The following UBE2J2 variants were observed in gnomAD, a reference collection of about 807,000 sequenced individuals.
UBE2J2 encodes ubiquitin-conjugating enzyme E2 J2.
Under a neutral mutation model 28.6 loss-of-function variants are expected in UBE2J2, and 5 were observed. The ratio of observed to expected loss-of-function variants is 0.17; its 90% CI spans 0.09 to 0.37. UBE2J2 has a LOEUF of 0.37. UBE2J2 is among the 10% of genes least tolerant of loss of function. The pLI is 1.00. For missense variants in UBE2J2, 226 were observed against 338.9 expected (o/e 0.67, Z 2.62); for synonymous variants, 138 against 139.7 (o/e 0.99, Z 0.09).
chr1:1,264,395 C>T (rs1639730152), intron 2 of UBE2J2, among the ~76,000 whole-genome samples: 3 of 152,242 alleles, frequency 2.0e-5, no homozygotes, highest in African/African-American at 7.2e-5. Context: ...AGAAACCAGA[C>T]ATGGCTTCAA....
At chr1:1,263,533 C>T in intron 2 of UBE2J2, 147 bp from the exon 3 acceptor site, 1 of 721,074 alleles carries the variant, frequency 1.4e-6, no homozygotes, top group Admixed American at 2.1e-5. Context: ...GTCACACAGC[C>T]ACACGGCTTC....
chr1:1,267,350 G>A (rs910419481), intron 2 of UBE2J2, among the ~76,000 whole-genome samples: 10 of 152,274 alleles, frequency 6.6e-5, no homozygotes, highest in Middle Eastern at 3.4e-3. Flanking sequence ...CTGAGGGTCG[G>A]GGCACCTGGC....
intron 2 of UBE2J2, among the ~76,000 whole-genome samples, chr1:1,266,667 A>G (rs1639887191): frequency 6.6e-6 from 1 of 151,780 alleles, no homozygotes; most frequent in Admixed American, 6.6e-5. Context: ...TAAAAATACA[A>G]AAACAAAAAA....
intron 1 of UBE2J2, among the ~76,000 whole-genome samples, chr1:1,272,271 GAA>G (rs1557571241): frequency 6.6e-6 from 1 of 152,294 alleles, no homozygotes; most frequent in East Asian, 1.9e-4. Flanking sequence ...CCTGCTGAGA[GAA>G]AGAGTTGGCG....
At chr1:1,258,636 T>C (rs1392738334) in intron 3 of UBE2J2, among the ~76,000 whole-genome samples, 1 of 152,064 alleles carries the variant, frequency 6.6e-6, no homozygotes, top group African/African-American at 2.4e-5. Context: ...ACACTGACCG[T>C]CCACAGCACA....
chr1:1,263,456 C>T (rs559032678), intron 2 of UBE2J2, 70 bp from the exon 3 acceptor site: 2 of 1,437,942 alleles, frequency 1.4e-6, no homozygotes, highest in South Asian at 1.1e-5. Flanking sequence ...TCATTCCAAG[C>T]CTGGGGTTTA....
chr1:1,267,052 C>T (rs1437212721), intron 2 of UBE2J2, among the ~76,000 whole-genome samples: 1 of 151,780 alleles, frequency 6.6e-6, no homozygotes, highest in African/African-American at 2.4e-5. Context: ...TCATGCCCAG[C>T]TAATATTTGT....
chr1:1,257,498 CCACT>C (rs904973732), intron 3 of UBE2J2, among the ~76,000 whole-genome samples, 188 bp from the exon 4 acceptor site: 9 of 149,672 alleles, frequency 6.0e-5, no homozygotes, highest in Non-Finnish European at 1.2e-4. Context: ...CCACTACCAC[CCACT>C]GTCATGACCA....
chr1:1,257,698 C>T (rs1190407619), intron 3 of UBE2J2, among the ~76,000 whole-genome samples: 1 of 151,974 alleles, frequency 6.6e-6, no homozygotes, highest in Non-Finnish European at 1.5e-5. Context: ...GCAACACCCC[C>T]AGCACAGCAG....
At chr1:1,267,447 C>G (rs1189307957) in intron 2 of UBE2J2, among the ~76,000 whole-genome samples, 1 of 152,212 alleles carries the variant, frequency 6.6e-6, no homozygotes, top group Non-Finnish European at 1.5e-5. Flanking sequence ...TATCCAGAAG[C>G]AAAGAGCAGA....
At chr1:1,270,419 CCA>C (rs764049003) in intron 1 of UBE2J2, among the ~76,000 whole-genome samples, 3 of 152,260 alleles carry the variant, frequency 2.0e-5, no homozygotes, top group Middle Eastern at 3.4e-3. Context: ...GCTGCTCACC[CCA>C]CACACCCAGG....
At chr1:1,271,066 C>A (rs1266164511) in intron 1 of UBE2J2, among the ~76,000 whole-genome samples, 1 of 152,274 alleles carries the variant, frequency 6.6e-6, no homozygotes, top group African/African-American at 2.4e-5. Flanking sequence ...TGTCACACAT[C>A]ACTGGCCTCC....
chr1:1,270,875 TTCCCAAC>T (rs764835988), intron 1 of UBE2J2, among the ~76,000 whole-genome samples: 19 of 151,980 alleles, frequency 1.3e-4, no homozygotes, highest in Non-Finnish European at 2.5e-4. Context: ...GCCCTCCTCG[TTCCCAAC>T]TCCCAAGACC....
chr1:1,267,772 C>G, intron 2 of UBE2J2, 90 bp downstream of exon 2: 1 of 1,574,628 alleles, frequency 6.4e-7, no homozygotes. Context: ...AATGCCATGA[C>G]TGGGGCACCA....
chr1:1,267,594 C>CCCG (rs1639941372), intron 2 of UBE2J2: 1 of 784,720 alleles, frequency 1.3e-6, no homozygotes, highest in African/African-American at 1.8e-5. Context: ...CAACCTGGAC[C>CCCG]CCGCCCCCCT....
intron 3 of UBE2J2, among the ~76,000 whole-genome samples, chr1:1,260,749 C>T (rs1639508161): frequency 6.6e-6 from 1 of 152,266 alleles, no homozygotes; most frequent in South Asian, 2.1e-4. Context: ...CACTGCCTGA[C>T]CCTCATCACT....
chr1:1,270,786 T>C (rs956699986), intron 1 of UBE2J2, among the ~76,000 whole-genome samples: 2 of 152,146 alleles, frequency 1.3e-5, no homozygotes, highest in Non-Finnish European at 2.9e-5. Flanking sequence ...CACGTCCTCT[T>C]GCCTGCCAGC....
intron 6 of UBE2J2, among the ~76,000 whole-genome samples, 174 bp from the exon 7 acceptor site, chr1:1,255,661 G>A (rs1232293055): frequency 6.6e-6 from 1 of 152,134 alleles, no homozygotes; most frequent in Non-Finnish European, 1.5e-5. Context: ...CACTGGCCCT[G>A]TGCCCCTTGG....
At chr1:1,263,138 C>G in intron 3 of UBE2J2, 1 of 561,712 alleles carries the variant, frequency 1.8e-6, no homozygotes, top group Non-Finnish European at 3.2e-6. Flanking sequence ...ACGCTACAGG[C>G]GGCCCTGCAG....
Sources: allele counts gnomAD v4.1 joint callset (sites outside exome capture counted in the v4.1 genomes callset), GRCh38; gene constraint gnomAD v4.1.1; transcripts MANE v1.5; gene names NCBI Gene and HGNC (gene_info 2026-07-23, HGNC 2026-07-21).